The following ATRNL1 variants were observed in gnomAD, a reference collection of about 807,000 sequenced individuals.
ATRNL1 encodes attractin-like protein 1.
In ATRNL1, 95 loss-of-function variants were observed where a neutral mutation model predicts 182.7. That is an observed-to-expected ratio of 0.52 (90% CI 0.44 to 0.62). ATRNL1 has a LOEUF of 0.62. Ranked by LOEUF, ATRNL1 falls within the 20% of genes least tolerant of loss-of-function variation. The probability of loss-of-function intolerance (pLI) is 0.00; values close to 1 mark genes in which losing one functional copy is unlikely to be tolerated. For missense variants in ATRNL1, 1,471 were observed against 1,679.5 expected (o/e 0.88, Z 2.17); for synonymous variants, 576 against 568.3 (o/e 1.01, Z -0.19).
At chr10:115,536,844 A>T (rs1554990583) in intron 25 of ATRNL1, among the ~76,000 whole-genome samples, 1 of 152,250 alleles carries the variant, frequency 6.6e-6, no homozygotes, top group Non-Finnish European at 1.5e-5. Context: ...CTGAAGAAAA[A>T]AGGTGAACCT....
chr10:115,144,799 A>G (rs1845904469), intron 5 of ATRNL1, among the ~76,000 whole-genome samples: 1 of 152,174 alleles, frequency 6.6e-6, no homozygotes, highest in African/African-American at 2.4e-5. Flanking sequence ...CTTGCTGTTT[A>G]TGCTTGACTG....
chr10:115,694,771 A>G (rs1555049222), intron 26 of ATRNL1, among the ~76,000 whole-genome samples: 1 of 152,014 alleles, frequency 6.6e-6, no homozygotes. Flanking sequence ...GGAATAAGGC[A>G]TTTTCTATGA....
intron 25 of ATRNL1, among the ~76,000 whole-genome samples, chr10:115,545,933 T>G (rs191216437): frequency 6.6e-6 from 1 of 152,178 alleles, no homozygotes; most frequent in African/African-American, 2.4e-5. Flanking sequence ...AATTTAATAC[T>G]TTGAACCTTA....
intron 26 of ATRNL1, among the ~76,000 whole-genome samples, chr10:115,592,654 A>T (rs1225420571): frequency 4.6e-5 from 7 of 152,146 alleles, no homozygotes; most frequent in Non-Finnish European, 1.0e-4. Context: ...AGCGTCATTC[A>T]CTTGGTGTAA....
At chr10:115,155,159 T>C (rs1386658646) in intron 5 of ATRNL1, among the ~76,000 whole-genome samples, 2 of 152,100 alleles carry the variant, frequency 1.3e-5, no homozygotes, top group Admixed American at 6.6e-5. Flanking sequence ...ATTTTTTTTC[T>C]ATCCCTTTAT....
At chr10:115,132,747 T>A (rs1422144074) in intron 5 of ATRNL1, among the ~76,000 whole-genome samples, 1 of 152,230 alleles carries the variant, frequency 6.6e-6, no homozygotes, top group Non-Finnish European at 1.5e-5. Flanking sequence ...AAGTGTCTGT[T>A]CATATCCCTC....
chr10:115,320,957 C>T (rs1200894001), intron 18 of ATRNL1, among the ~76,000 whole-genome samples: 2 of 152,080 alleles, frequency 1.3e-5, no homozygotes, highest in Non-Finnish European at 2.9e-5. Context: ...GCGCTTTGGC[C>T]TTTGGGTTTT....
rs547896775 is a variant in ATRNL1 at position 115,727,264 on chromosome 10, G to A, written c.3812G>A (p.Arg1271Gln). The change falls in exon 27 of 29, where the codon CGA becomes CAA. Residue 1271 changes from arginine to glutamine, a missense_variant. Transcript: ENST00000355044. Reference protein sequence around the residue: ...SRRREQLLRERQQMASRPFAS... With the variant: ...SRRREQLLREQQQMASRPFAS... ...CCCCTCCAGCAACTGCTTCGAGAAC[G>A]ACAGCAGATGGCCAGCCGTCCCTTT... 1.2e-6 allele frequency: 2 copies of A among 1,613,916 alleles called. No individual in the cohort carries two copies. The highest frequency in any genetic ancestry group is 1.1e-5 in the South Asian group (1 of 91,058).
intron 28 of ATRNL1, among the ~76,000 whole-genome samples, chr10:115,927,634 G>A (rs1266159738): frequency 6.6e-6 from 1 of 151,992 alleles, no homozygotes; most frequent in African/African-American, 2.4e-5. Context: ...TAGCAAATAA[G>A]AGAAATATTT....
intron 24 of ATRNL1, among the ~76,000 whole-genome samples, chr10:115,477,554 G>GA (rs1464918514): frequency 6.6e-6 from 1 of 151,212 alleles, no homozygotes; most frequent in Non-Finnish European, 1.5e-5. Context: ...AATGGTGCAA[G>GA]AAAAAAAATT....
chr10:115,549,199 T>A (rs1468862378), intron 25 of ATRNL1, among the ~76,000 whole-genome samples: 3 of 152,108 alleles, frequency 2.0e-5, no homozygotes, highest in Non-Finnish European at 4.4e-5. Context: ...AATGTAATTA[T>A]AAATTTACAT....
chr10:115,369,119 ATGT>A (rs1857246111), intron 19 of ATRNL1, among the ~76,000 whole-genome samples: 1 of 152,040 alleles, frequency 6.6e-6, no homozygotes, highest in African/African-American at 2.4e-5. Context: ...AGGTTAATCC[ATGT>A]TGTTGTAAAA....
At chr10:115,351,524 TTA>T (rs1856249183) in intron 19 of ATRNL1, among the ~76,000 whole-genome samples, 2 of 152,194 alleles carry the variant, frequency 1.3e-5, no homozygotes, top group Non-Finnish European at 2.9e-5. Flanking sequence ...CTTTATTTTG[TTA>T]TATGTTATAG....
chr10:115,771,340 T>C (rs1208860105), intron 27 of ATRNL1, among the ~76,000 whole-genome samples: 16 of 151,982 alleles, frequency 1.1e-4, no homozygotes, highest in African/African-American at 3.6e-4. Flanking sequence ...ACGCCATTCT[T>C]CTGCCTCAGC....
intron 21 of ATRNL1, among the ~76,000 whole-genome samples, chr10:115,436,977 C>CT (rs370215309): frequency 6.6e-6 from 1 of 151,934 alleles, no homozygotes; most frequent in African/African-American, 2.4e-5. Flanking sequence ...TATTTCCAAA[C>CT]TTTATAGAGC....
intron 28 of ATRNL1, among the ~76,000 whole-genome samples, chr10:115,860,672 G>A (rs1327856336): frequency 1.3e-5 from 2 of 152,182 alleles, no homozygotes; most frequent in African/African-American, 4.8e-5. Context: ...TGGTGACCCT[G>A]TCCAGAATCA....
intron 10 of ATRNL1, among the ~76,000 whole-genome samples, chr10:115,253,715 A>C (rs1412913295): frequency 2.0e-5 from 3 of 151,916 alleles, no homozygotes; most frequent in African/African-American, 7.3e-5. Flanking sequence ...CATCATTTAC[A>C]TTAGGTATTT....
intron 7 of ATRNL1, among the ~76,000 whole-genome samples, chr10:115,166,866 G>A (rs573983444): frequency 6.6e-6 from 1 of 151,914 alleles, no homozygotes; most frequent in South Asian, 2.1e-4. Flanking sequence ...TTTGTTGAGA[G>A]TGTCCTTTGA....
chr10:115,348,162 TG>T (rs1856062115), intron 19 of ATRNL1, among the ~76,000 whole-genome samples: 2 of 151,990 alleles, frequency 1.3e-5, no homozygotes, highest in Admixed American at 6.6e-5. Flanking sequence ...TTAGTAGAGA[TG>T]GGGTTTCACA....
Sources: gnomAD v4.1 joint callset for allele counts (sites outside exome capture counted in the v4.1 genomes callset) on GRCh38, gnomAD v4.1.1 for gene constraint, MANE v1.5 for transcripts, NCBI Gene and HGNC (gene_info 2026-07-23, HGNC 2026-07-21) for gene names.